RCHY1: variants seen among roughly 807,000 people sequenced by gnomAD.
RCHY1 encodes RING finger and CHY zinc finger domain-containing protein 1.
In RCHY1, 21 loss-of-function variants were observed where a neutral mutation model predicts 41.6. The observed-to-expected ratio is 0.51, with a 90% CI of 0.36 to 0.73. RCHY1 has a LOEUF of 0.73. Ranked by LOEUF, RCHY1 falls within the 30% of genes least tolerant of loss-of-function variation. RCHY1 has a pLI of 0.00. For missense variants in RCHY1, 265 were observed against 325.3 expected (o/e 0.81, Z 1.43); for synonymous variants, 79 against 102.9 (o/e 0.77, Z 1.41).
chr4:75,501,570 A>G (rs987099307), intron 3 of RCHY1, among the ~76,000 whole-genome samples: 1 of 152,216 alleles, frequency 6.6e-6, no homozygotes, highest in Non-Finnish European at 1.5e-5. Flanking sequence ...TAAAATGCCT[A>G]CTTGAAGTGA....
chr4:75,492,502 A>G (rs1383760791), intron 4 of RCHY1, among the ~76,000 whole-genome samples: 1 of 151,988 alleles, frequency 6.6e-6, no homozygotes, highest in Non-Finnish European at 1.5e-5. Context: ...AATAAGAGGC[A>G]GAATTAAACT....
rs536501736 is a variant in RCHY1 at position 75,480,657 on chromosome 4, A to G, written c.*1881T>C. The G allele has an allele frequency of 6.6e-6, 1 of 152,350 alleles. No homozygotes were observed. The highest frequency in any genetic ancestry group is 2.1e-4 in the South Asian group (1 of 4,830). 9.4% of individuals were successfully genotyped at this position (152,350 alleles called of 1,614,324 possible). A position where few individuals can be genotyped will look rare whatever the true frequency, so the allele number is the denominator to read the frequency against. On this transcript the variant is annotated 3_prime_UTR_variant, in exon 9 of 9. Coordinates refer to ENST00000324439, the MANE Select transcript of RCHY1 (RefSeq NM_015436.4). ...TCCTATTTAAAGATCCAATGATTCA[A>G]TGATTAAAAACAATAACATGATTGG...
At chr4:75,511,871 C>T (rs997754954) in intron 1 of RCHY1, among the ~76,000 whole-genome samples, 2 of 151,954 alleles carry the variant, frequency 1.3e-5, no homozygotes, top group Non-Finnish European at 2.9e-5. Context: ...CTTGCAGAGC[C>T]CCTGAAAGGA....
chr4:75,487,641 TC>T lies in RCHY1; in HGVS notation c.657+2939del, dbSNP rs1366553141. ...ATATATATATTCATAATATATATAT[TC>T]ATATATATTCATAATATATATATTC... On this transcript the variant is annotated intron_variant, in intron 8 of 8. Transcript: ENST00000324439. 4.7e-3 allele frequency among the ~76,000 whole-genome samples: 177 copies of T among 37,856 alleles called. 6 individuals carry two copies. The highest frequency in any genetic ancestry group is 9.7e-3 in the South Asian group (13 of 1,344). 24.8% of individuals were successfully genotyped at this position (37,856 alleles called of 152,430 possible).
intron 4 of RCHY1, among the ~76,000 whole-genome samples, chr4:75,492,430 C>T (rs183121255): frequency 1.4e-4 from 22 of 151,846 alleles, no homozygotes; most frequent in South Asian, 2.1e-4. Context: ...GATTGTTATA[C>T]CATTTTACAG....
At chr4:75,511,066 A>G (rs745943020) in intron 1 of RCHY1, among the ~76,000 whole-genome samples, 21 of 152,228 alleles carry the variant, frequency 1.4e-4, no homozygotes, top group Non-Finnish European at 2.2e-4. Flanking sequence ...ATCAAGGAAT[A>G]TGATTGATAT....
intron 3 of RCHY1, among the ~76,000 whole-genome samples, chr4:75,501,600 A>T (rs1723765721): frequency 6.6e-6 from 1 of 152,218 alleles, no homozygotes; most frequent in Non-Finnish European, 1.5e-5. Flanking sequence ...TTTGTCTATA[A>T]CGTGAGTCAC....
At chr4:75,504,118 G>T (rs1042461974) in intron 3 of RCHY1, among the ~76,000 whole-genome samples, 3 of 152,170 alleles carry the variant, frequency 2.0e-5, no homozygotes, top group Non-Finnish European at 4.4e-5. Flanking sequence ...TCTGGAATTA[G>T]TATTGCATTT....
chr4:75,500,019 T>C (rs1222276048), intron 3 of RCHY1, among the ~76,000 whole-genome samples: 5 of 152,146 alleles, frequency 3.3e-5, no homozygotes, highest in African/African-American at 1.2e-4. Context: ...CACATTCCTA[T>C]AGTCCCAGCT....
rs35093715 is a variant in RCHY1 at position 75,487,867 on chromosome 4, A to AAT, written c.657+2712_657+2713dup. 3.5e-4 allele frequency among the ~76,000 whole-genome samples: 25 copies of AAT among 70,778 alleles called. 1 individual carries two copies. The highest frequency in any genetic ancestry group is 9.1e-4 in the African/African-American group (21 of 23,134). 46.4% of individuals were successfully genotyped at this position (70,778 alleles called of 152,430 possible). A position where few individuals can be genotyped will look rare whatever the true frequency, so the allele number is the denominator to read the frequency against. ...ATATATTCATAATATATATATTCATAATATATATTCATAATATATATATTC... is the reference window on the plus strand; with the variant it reads ...ATATATTCATAATATATATATTCATAATATATATATTCATAATATATATATTC... On this transcript the variant is annotated intron_variant, in intron 8 of 8. Coordinates refer to ENST00000324439, the MANE Select transcript of RCHY1 (RefSeq NM_015436.4).
At chr4:75,514,166 T>C in intron 1 of RCHY1, 31 bp downstream of exon 1, 1 of 1,587,748 alleles carries the variant, frequency 6.3e-7, no homozygotes, top group Non-Finnish European at 8.6e-7. Context: ...TGACGGAAGC[T>C]TGTCAGGGAA....
intron 8 of RCHY1, among the ~76,000 whole-genome samples, chr4:75,488,648 C>A (rs1157474160): frequency 3.9e-5 from 6 of 152,084 alleles, no homozygotes; most frequent in Admixed American, 3.9e-4. Flanking sequence ...CTATAATAAC[C>A]CTTCAGTTAT....
chr4:75,493,716 T>C (rs188499148), intron 4 of RCHY1, among the ~76,000 whole-genome samples: 6 of 152,022 alleles, frequency 3.9e-5, no homozygotes, highest in African/African-American at 1.4e-4. Flanking sequence ...GTCTTAATTA[T>C]AAAAAGAAAT....
rs748499498 is a variant in RCHY1 at position 75,494,198 on chromosome 4, G to A, written c.327-19C>T. On this transcript the variant is annotated intron_variant, in intron 3 of 8. Coordinates refer to ENST00000324439, the MANE Select transcript of RCHY1 (RefSeq NM_015436.4). ...ACCAATCCTAGCAAAACACATGAAA[G>A]CCAAAAGATTAGATTATTTTTTACT... 122 of 1,492,466 alleles carry A rather than the reference G, an allele frequency of 8.2e-5. No individual in the cohort carries two copies. The highest frequency in any genetic ancestry group is 5.2e-4 in the Middle Eastern group (3 of 5,798). The allele number at this position is 1,492,466 out of a possible 1,614,324, so 92.5% of individuals were successfully genotyped here.
At chr4:75,494,353 C>A (rs2148734149) in intron 3 of RCHY1, 174 bp from the exon 4 acceptor site, 2 of 573,896 alleles carry the variant, frequency 3.5e-6, no homozygotes, top group East Asian at 6.9e-5. Context: ...GCACTATACA[C>A]AGAGTGGTAT....
Position 75,480,219 on chromosome 4 carries a change from A to G in RCHY1, c.*2319T>C, listed in dbSNP as rs543787611. 1.3e-5 allele frequency: 2 copies of G among 152,286 alleles called. No individual in the cohort carries two copies. The highest frequency in any genetic ancestry group is 3.9e-4 in the East Asian group (2 of 5,178). The allele number at this position is 152,286 out of a possible 1,614,324, so 9.4% of individuals were successfully genotyped here. On this transcript the variant is annotated 3_prime_UTR_variant, in exon 9 of 9. Coordinates refer to ENST00000324439, the MANE Select transcript of RCHY1 (RefSeq NM_015436.4). ...CTAGACAGCATAAACGAGTGATTGC[A>G]TATGTACTCTGCATTATTTTGGACA...
At chr4:75,499,428 A>C (rs149224296) in intron 3 of RCHY1, among the ~76,000 whole-genome samples, 1 of 152,144 alleles carries the variant, frequency 6.6e-6, no homozygotes, top group African/African-American at 2.4e-5. Flanking sequence ...CTAAAAGTAC[A>C]TATCTAAGGG....
intron 3 of RCHY1, among the ~76,000 whole-genome samples, chr4:75,504,287 A>G (rs1480886999): frequency 6.6e-6 from 1 of 152,122 alleles, no homozygotes; most frequent in Non-Finnish European, 1.5e-5. Flanking sequence ...AACAACACAA[A>G]TTTGAAGTAC....
At chr4:75,494,393 C>A in intron 3 of RCHY1, 1 of 431,074 alleles carries the variant, frequency 2.3e-6, no homozygotes. Context: ...TTTTCTTTTT[C>A]TATAAAATTG....
Sources: gnomAD v4.1 joint callset for allele counts (sites outside exome capture counted in the v4.1 genomes callset) on GRCh38, gnomAD v4.1.1 for gene constraint, MANE v1.5 for transcripts, NCBI Gene and HGNC (gene_info 2026-07-23, HGNC 2026-07-21) for gene names.